The following CSMD1 variants were observed in gnomAD, a reference collection of about 807,000 sequenced individuals.
The protein encoded by CSMD1 is CUB and sushi domain-containing protein 1.
Under a neutral mutation model 417.5 loss-of-function variants are expected in CSMD1, and 213 were observed. The observed-to-expected ratio is 0.51, with a 90% CI of 0.46 to 0.57. The LOEUF (loss-of-function observed/expected upper bound fraction) is 0.57. CSMD1 is among the 20% of genes least tolerant of loss of function. CSMD1 has a pLI of 0.00. For missense variants in CSMD1, 6,923 were observed against 4,529.7 expected, an observed-to-expected ratio of 1.53 and a Z score of -15.17; for synonymous variants, 2,862 against 1,736.8, an observed-to-expected ratio of 1.65 and a Z score of -16.11.
intron 7 of CSMD1, among the ~76,000 whole-genome samples, chr8:3,648,112 A>G (rs1797667801): frequency 6.6e-6 from 1 of 152,216 alleles, no homozygotes; most frequent in African/African-American, 2.4e-5. Context: ...GTGTCTCCTA[A>G]AAACAGAACC....
At chr8:4,376,510 TC>T (rs1371242089) in intron 3 of CSMD1, among the ~76,000 whole-genome samples, 2 of 152,214 alleles carry the variant, frequency 1.3e-5, no homozygotes, top group South Asian at 4.1e-4. Flanking sequence ...ACCATTATTT[TC>T]CCCACAGTAT....
intron 49 of CSMD1, among the ~76,000 whole-genome samples, chr8:3,061,696 A>T (rs1812599748): frequency 6.6e-6 from 1 of 152,218 alleles, no homozygotes; most frequent in African/African-American, 2.4e-5. Context: ...GTTATAGCGA[A>T]ATCTCTATGT....
chr8:3,282,745 C>A (rs7018212), intron 26 of CSMD1, among the ~76,000 whole-genome samples: 29,900 of 151,994 alleles, frequency 0.2, 3,052 homozygotes, highest in South Asian at 0.27. Flanking sequence ...ATTGTGCAGA[C>A]TATAACCAGA....
intron 23 of CSMD1, 97 bp from the exon 24 acceptor site, chr8:3,308,600 AGGGTAGGG>A: frequency 1.1e-6 from 1 of 905,068 alleles, no homozygotes; most frequent in African/African-American, 1.7e-5. Flanking sequence ...TGCTCCTTGA[AGGGTAGGG>A]AGAAAAAAGG....
chr8:3,980,708 T>C (rs2130176635), intron 5 of CSMD1, among the ~76,000 whole-genome samples: 1 of 152,280 alleles, frequency 6.6e-6, no homozygotes, highest in South Asian at 2.1e-4. Context: ...AAAAGAACGA[T>C]GTGACAAGAA....
intron 3 of CSMD1, among the ~76,000 whole-genome samples, chr8:4,392,306 G>A (rs1007004219): frequency 3.9e-5 from 6 of 152,144 alleles, no homozygotes; most frequent in African/African-American, 1.2e-4. Flanking sequence ...AACACAAGCG[G>A]CAGGTTTTAC....
At chr8:3,827,219 C>G (rs548520763) in intron 5 of CSMD1, among the ~76,000 whole-genome samples, 1 of 152,282 alleles carries the variant, frequency 6.6e-6, no homozygotes, top group South Asian at 2.1e-4. Flanking sequence ...ACAAACTTGT[C>G]TTTCATACCG....
rs1356414521 is a variant in CSMD1 at position 3,838,763 on chromosome 8, A to G, written c.819-84721T>C. On this transcript the variant is annotated intron_variant, in intron 5 of 69. Transcript: ENST00000635120. ...GTATAATATATAATAAATATTATAT[A>G]GTATAATATATAATAAATTGATATT... Among the ~76,000 whole-genome samples, 3 of 90,000 alleles carry G rather than the reference A, an allele frequency of 3.3e-5. 1 individual carries two copies. The highest frequency in any genetic ancestry group is 6.1e-5 in the Non-Finnish European group (3 of 49,428). The allele number at this position is 90,000 out of a possible 152,430, so 59.0% of individuals were successfully genotyped here.
intron 3 of CSMD1, among the ~76,000 whole-genome samples, chr8:4,409,677 A>G (rs1264437487): frequency 6.7e-6 from 1 of 150,222 alleles, no homozygotes; most frequent in Non-Finnish European, 1.5e-5. Context: ...CATAAACCAG[A>G]TAAAGAGACA....
intron 27 of CSMD1, among the ~76,000 whole-genome samples, chr8:3,228,706 T>C (rs1798657277): frequency 1.3e-5 from 2 of 152,122 alleles, no homozygotes; most frequent in Admixed American, 6.6e-5. Context: ...AATAAATTAC[T>C]TTTAAGGGAT....
intron 5 of CSMD1, among the ~76,000 whole-genome samples, chr8:3,855,813 G>C (rs942424441): frequency 6.6e-6 from 1 of 152,086 alleles, no homozygotes; most frequent in South Asian, 2.1e-4. Flanking sequence ...TTTACTAGTA[G>C]GGTATTACGT....
intron 1 of CSMD1, among the ~76,000 whole-genome samples, chr8:4,816,479 C>T (rs1285392667): frequency 2.0e-5 from 3 of 152,122 alleles, no homozygotes; most frequent in African/African-American, 7.2e-5. Context: ...CCACCCTCCT[C>T]AGGCTCCCAA....
chr8:4,740,807 A>G (rs978653007), intron 1 of CSMD1, among the ~76,000 whole-genome samples: 1 of 152,170 alleles, frequency 6.6e-6, no homozygotes, highest in African/African-American at 2.4e-5. Flanking sequence ...CAGGTATAGG[A>G]TATCCTACTG....
intron 1 of CSMD1, among the ~76,000 whole-genome samples, chr8:4,707,719 T>C (rs946498776): frequency 6.6e-6 from 1 of 151,650 alleles, no homozygotes; most frequent in African/African-American, 2.4e-5. Context: ...AAACCCCATC[T>C]CTACTAAAAA....
chr8:3,506,390 C>T lies in CSMD1; in HGVS notation c.1345-12664G>A, dbSNP rs570783350. 3.5e-4 allele frequency among the ~76,000 whole-genome samples: 53 copies of T among 152,256 alleles called. 1 individual carries two copies. Among genetic ancestry groups the T allele is most frequent in the Admixed American group, 2.7e-3 (41 of 15,286 alleles). Reference sequence around the variant, plus strand: ...AGAACACTGGAGGTAGGGGAGTAAACACGTTTTTACACATGTGTAGAGAGG... The same window carrying T: ...AGAACACTGGAGGTAGGGGAGTAAATACGTTTTTACACATGTGTAGAGAGG... On this transcript the variant is annotated intron_variant, in intron 10 of 69. Transcript: ENST00000635120.
chr8:4,402,562 C>G (rs1406606328), intron 3 of CSMD1, among the ~76,000 whole-genome samples: 1 of 152,162 alleles, frequency 6.6e-6, no homozygotes, highest in South Asian at 2.1e-4. Context: ...TTCTTCCACT[C>G]TTGAAGGGAG....
chr8:3,467,316 G>A (rs774730924), intron 12 of CSMD1, among the ~76,000 whole-genome samples: 2 of 152,180 alleles, frequency 1.3e-5, no homozygotes, highest in African/African-American at 4.8e-5. Context: ...TTGCCCTGTT[G>A]GGAAGTGTCT....
intron 5 of CSMD1, among the ~76,000 whole-genome samples, chr8:3,934,171 T>A (rs150884697): frequency 6.6e-6 from 1 of 152,184 alleles, no homozygotes; most frequent in Non-Finnish European, 1.5e-5. Context: ...AATAACTGAA[T>A]AGAATCTCGG....
chr8:4,771,737 A>T (rs1349680481), intron 1 of CSMD1, among the ~76,000 whole-genome samples: 1 of 152,192 alleles, frequency 6.6e-6, no homozygotes, highest in Non-Finnish European at 1.5e-5. Context: ...AGAAGTCTAT[A>T]TGAGAGATGA....
Sources: gnomAD v4.1 joint callset for allele counts (sites outside exome capture counted in the v4.1 genomes callset) on GRCh38, gnomAD v4.1.1 for gene constraint, MANE v1.5 for transcripts, NCBI Gene and HGNC (gene_info 2026-07-23, HGNC 2026-07-21) for gene names.